STPG2: variants seen among roughly 807,000 people sequenced by gnomAD.
STPG2 encodes sperm tail PG-rich repeat containing 2, also known as sperm-tail PG-rich repeat-containing protein 2.
Under a neutral mutation model 54.2 loss-of-function variants are expected in STPG2, and 56 were observed. That is an observed-to-expected ratio of 1.03 (90% CI 0.83 to 1.29). The LOEUF is 1.29. STPG2 is among the 50% of genes most tolerant of loss of function. The pLI, the probability that STPG2 is intolerant of heterozygous loss-of-function variation, is 0.00. For synonymous variants in STPG2, 200 were observed against 181.8 expected (o/e 1.10, Z -0.81); for missense variants, 596 against 544.9 (o/e 1.09, Z -0.93).
At chr4:97,571,058 C>T (rs1399941054) in intron 10 of STPG2, among the ~76,000 whole-genome samples, 1 of 151,906 alleles carries the variant, frequency 6.6e-6, no homozygotes, top group Non-Finnish European at 1.5e-5. Context: ...ATGGTTAAAA[C>T]ATTTAATATA....
At chr4:97,684,743 A>C (rs1004033216) in intron 10 of STPG2, among the ~76,000 whole-genome samples, 4 of 151,998 alleles carry the variant, frequency 2.6e-5, no homozygotes, top group African/African-American at 9.6e-5. Flanking sequence ...AAATTTGATA[A>C]GTTGCTCTTC....
chr4:97,511,359 A>T (rs1158805915), intron 4 of STPG2, among the ~76,000 whole-genome samples: 5 of 152,062 alleles, frequency 3.3e-5, no homozygotes, highest in African/African-American at 1.2e-4. Context: ...ACTAAAGATA[A>T]AAAGCAAGAT....
intron 9 of STPG2, 116 bp downstream of exon 9, chr4:97,840,657 T>C (rs931022689): frequency 8.6e-6 from 10 of 1,159,516 alleles, no homozygotes; most frequent in Admixed American, 7.4e-5. Flanking sequence ...GGTTTTGTTA[T>C]ACATTATTTT....
In STPG2 at chr4:98,010,469, T is replaced by C. The variant is rs148293514; in HGVS notation, c.613-29151A>G. On this transcript the variant is annotated intron_variant, in intron 5 of 10. Coordinates refer to ENST00000295268, the MANE Select transcript of STPG2 (RefSeq NM_174952.3). ...TGCTCTACTTTGTTTAGTATTTGCATGGATTATACTTTCCAACGCTTCCCA... is the reference window on the plus strand; with the variant it reads ...TGCTCTACTTTGTTTAGTATTTGCACGGATTATACTTTCCAACGCTTCCCA... 1.2e-4 allele frequency among the ~76,000 whole-genome samples: 18 copies of C among 152,288 alleles called. No individual in the cohort carries two copies. The East Asian group carries it at 3.5e-3, about 29-fold the overall frequency.
At position 97,449,185 on chromosome 4, in the gene STPG2, C is replaced by G. The variant is rs552815581; in HGVS notation, c.463-261352G>C. The stretch of plus-strand genomic sequence containing the variant: ...TAGAGGCAAAAACCTTTGATGAAAT[C>G]TAAAATTTCTTTTAAAAAAAGCAAT... On this transcript the variant is annotated intron_variant, in intron 4 of 4. Coordinates refer to the STPG2 transcript ENST00000522676. 4.2e-3 allele frequency among the ~76,000 whole-genome samples: 636 copies of G among 152,052 alleles called. 3 individuals are homozygous for G. The highest frequency in any genetic ancestry group is 0.02 in the South Asian group (97 of 4,824).
chr4:97,909,368 T>C lies in STPG2; in HGVS notation c.1044+34529A>G, dbSNP rs537565375. Among the ~76,000 whole-genome samples the C allele has an allele frequency of 1.1e-4, 17 of 152,288 alleles. No individual in the cohort carries two copies. The South Asian group carries it at 3.5e-3, about 32-fold the overall frequency. ...TAAAAGCTATCTTACATAAAGAATC[T>C]ACCCTCAAATGGTTACACCAGTAAA... is the stretch of plus-strand genomic sequence containing the variant. On this transcript the variant is annotated intron_variant, in intron 8 of 10. Coordinates refer to ENST00000295268, the MANE Select transcript of STPG2 (RefSeq NM_174952.3).
chr4:97,585,570 C>T (rs2148894240), intron 10 of STPG2, among the ~76,000 whole-genome samples: 1 of 152,058 alleles, frequency 6.6e-6, no homozygotes, highest in Non-Finnish European at 1.5e-5. Flanking sequence ...AGAACCCAGA[C>T]TGGAAAGTTT....
At chr4:97,562,169 G>A (rs1285166371) in intron 10 of STPG2, among the ~76,000 whole-genome samples, 1 of 151,994 alleles carries the variant, frequency 6.6e-6, no homozygotes, top group African/African-American at 2.4e-5. Context: ...CCCTCGTAAG[G>A]TGGATTCCTA....
chr4:97,529,805 T>C (rs1731372304), intron 4 of STPG2, among the ~76,000 whole-genome samples: 1 of 152,182 alleles, frequency 6.6e-6, no homozygotes, highest in Non-Finnish European at 1.5e-5. Context: ...TGGTCTCTCA[T>C]AGGTTCGTCC....
chr4:97,799,684 T>C (rs1203217137), intron 9 of STPG2, among the ~76,000 whole-genome samples: 1 of 152,118 alleles, frequency 6.6e-6, no homozygotes, highest in African/African-American at 2.4e-5. Context: ...TCTCAAGGAG[T>C]ATCTTTGTGG....
intron 9 of STPG2, among the ~76,000 whole-genome samples, chr4:97,831,550 C>CA (rs931094303): frequency 1.3e-5 from 2 of 151,616 alleles, no homozygotes; most frequent in East Asian, 1.9e-4. Context: ...GATAGAGACA[C>CA]AAAAAAACCT....
chr4:98,028,247 T>A (rs537725921), intron 5 of STPG2, among the ~76,000 whole-genome samples: 90 of 152,344 alleles, frequency 5.9e-4, no homozygotes, highest in Non-Finnish European at 1.3e-3. Flanking sequence ...AGGTTGGAAA[T>A]TTCCCGCATC....
At chr4:97,663,129 G>A (rs1023150397) in intron 10 of STPG2, among the ~76,000 whole-genome samples, 1 of 151,708 alleles carries the variant, frequency 6.6e-6, no homozygotes, top group Admixed American at 6.6e-5. Context: ...GATCATAATT[G>A]TATCTATATC....
At chr4:98,140,282 G>A (rs1740244962) in intron 1 of STPG2, among the ~76,000 whole-genome samples, 3 of 152,050 alleles carry the variant, frequency 2.0e-5, no homozygotes, top group Admixed American at 1.3e-4. Context: ...ATGAGGTCAG[G>A]GCCCAGAACA....
chr4:97,753,391 G>A (rs945280237), intron 9 of STPG2, among the ~76,000 whole-genome samples: 1 of 151,880 alleles, frequency 6.6e-6, no homozygotes, highest in Non-Finnish European at 1.5e-5. Flanking sequence ...CTCTATCCAT[G>A]TTGTAGCATA....
At chr4:97,780,898 A>G (rs2149071189) in intron 9 of STPG2, among the ~76,000 whole-genome samples, 1 of 152,318 alleles carries the variant, frequency 6.6e-6, no homozygotes, top group East Asian at 1.9e-4. Context: ...ACAAAGACAC[A>G]ACATACCAGA....
Position 97,530,331 on chromosome 4 carries a change from C to G in STPG2, c.462+182368G>C, listed in dbSNP as rs1731386280. Among the ~76,000 whole-genome samples, 3 of 152,228 alleles carry G rather than the reference C, an allele frequency of 2.0e-5. No homozygotes were observed. In the South Asian group the frequency reaches 6.2e-4, roughly 32 times the overall value. The stretch of plus-strand genomic sequence containing the variant: ...CTTTTACTTTTCTATCTGTGATAGT[C>G]TGAGAAAGCAAAGGTTATGCTGTAC... On this transcript the variant is annotated intron_variant, in intron 4 of 4. Coordinates refer to the STPG2 transcript ENST00000522676.
At chr4:97,539,942 C>A (rs1019505340) in intron 4 of STPG2, among the ~76,000 whole-genome samples, 1 of 152,128 alleles carries the variant, frequency 6.6e-6, no homozygotes, top group African/African-American at 2.4e-5. Context: ...AATAAAGACA[C>A]AACATACCAG....
At chr4:97,964,680 C>T (rs1339817400) in intron 7 of STPG2, among the ~76,000 whole-genome samples, 2 of 152,262 alleles carry the variant, frequency 1.3e-5, no homozygotes, top group East Asian at 1.9e-4. Context: ...TATAACAATT[C>T]TTACCTTTAA....
Sources: gnomAD v4.1 joint callset for allele counts (sites outside exome capture counted in the v4.1 genomes callset) on GRCh38, gnomAD v4.1.1 for gene constraint, MANE v1.5 for transcripts, NCBI Gene and HGNC (gene_info 2026-07-23, HGNC 2026-07-21) for gene names.